The following TNFRSF10D variants were observed in gnomAD, a reference collection of about 807,000 sequenced individuals.
The protein encoded by TNFRSF10D is tumor necrosis factor receptor superfamily member 10D.
Under a neutral mutation model 42.1 loss-of-function variants are expected in TNFRSF10D, and 28 were observed. The ratio of observed to expected loss-of-function variants is 0.66; its 90% CI spans 0.49 to 0.91. The LOEUF (loss-of-function observed/expected upper bound fraction) is 0.91. Ranked by LOEUF, TNFRSF10D falls within the 40% of genes least tolerant of loss-of-function variation. The pLI, the probability that TNFRSF10D is intolerant of heterozygous loss-of-function variation, is 0.00. For missense variants in TNFRSF10D, 503 were observed against 486.1 expected (o/e 1.03, Z -0.33); for synonymous variants, 186 against 189.4 (o/e 0.98, Z 0.15).
chr8:23,141,504 C>CAAAA (rs59373667), intron 7 of TNFRSF10D, among the ~76,000 whole-genome samples: 2 of 133,380 alleles, frequency 1.5e-5, no homozygotes, highest in Admixed American at 7.3e-5. Context: ...GAGTACATCT[C>CAAAA]AAAAAAAAAA....
At chr8:23,163,724 C>T in intron 1 of TNFRSF10D, 62 bp downstream of exon 1, 26 of 1,576,528 alleles carry the variant, frequency 1.6e-5, no homozygotes, top group Non-Finnish European at 2.2e-5. Flanking sequence ...CCCCCTCTCT[C>T]CCTGCCCACT....
At chr8:23,150,433 A>G (rs1362214980) in intron 2 of TNFRSF10D, among the ~76,000 whole-genome samples, 1 of 152,266 alleles carries the variant, frequency 6.6e-6, no homozygotes, top group Admixed American at 6.5e-5. Context: ...CAGTCTGTAA[A>G]TACTGGATTA....
intron 7 of TNFRSF10D, among the ~76,000 whole-genome samples, chr8:23,143,179 T>C (rs1800057578): frequency 6.6e-6 from 1 of 151,836 alleles, no homozygotes; most frequent in Non-Finnish European, 1.5e-5. Flanking sequence ...GGTTTCACCA[T>C]GTTGGCCAGG....
At chr8:23,157,650 T>A (rs969103915) in intron 1 of TNFRSF10D, among the ~76,000 whole-genome samples, 2 of 152,232 alleles carry the variant, frequency 1.3e-5, no homozygotes, top group African/African-American at 4.8e-5. Context: ...TGATTTAATC[T>A]CCTTTTCATT....
chr8:23,137,264 T>C lies in TNFRSF10D; in HGVS notation c.*606A>G, dbSNP rs1814347624. On this transcript the variant is annotated 3_prime_UTR_variant, in exon 9 of 9. Coordinates refer to ENST00000312584, the MANE Select transcript of TNFRSF10D (RefSeq NM_003840.5). Reference sequence around the variant, plus strand: ...GATAATCTCATCATTAAGTCAAAAATATCCGAAACTGAAAATACAGGTAAT... The same window carrying C: ...GATAATCTCATCATTAAGTCAAAAACATCCGAAACTGAAAATACAGGTAAT... 1 of 152,220 alleles carries C rather than the reference T, an allele frequency of 6.6e-6. No individual in the cohort carries two copies. Among genetic ancestry groups the C allele is most frequent in the Non-Finnish European group, 1.5e-5 (1 of 68,082 alleles). The allele number at this position is 152,220 out of a possible 1,614,324, so 9.4% of individuals were successfully genotyped here.
chr8:23,149,256 A>C (rs1800178146), intron 2 of TNFRSF10D, among the ~76,000 whole-genome samples: 1 of 150,528 alleles, frequency 6.6e-6, no homozygotes, highest in Non-Finnish European at 1.5e-5. Context: ...TTTTTTTTGG[A>C]GACAGAGTTT....
chr8:23,163,651 C>T (rs900654693), intron 1 of TNFRSF10D, 135 bp downstream of exon 1: 119 of 1,364,738 alleles, frequency 8.7e-5, no homozygotes, highest in Middle Eastern at 1.8e-4. Flanking sequence ...ACTCCGACGG[C>T]GGGTTCGTCC....
At chr8:23,161,322 C>T (rs890059314) in intron 1 of TNFRSF10D, among the ~76,000 whole-genome samples, 3 of 152,190 alleles carry the variant, frequency 2.0e-5, no homozygotes, top group East Asian at 1.9e-4. Flanking sequence ...GATTCTGGGC[C>T]GTTGGATCTT....
intron 1 of TNFRSF10D, among the ~76,000 whole-genome samples, chr8:23,159,755 C>T (rs2128839927): frequency 6.6e-6 from 1 of 152,220 alleles, no homozygotes; most frequent in African/African-American, 2.4e-5. Context: ...CCAAGGTACT[C>T]AGGAGGCTGA....
At chr8:23,141,368 G>T (rs928544712) in intron 7 of TNFRSF10D, among the ~76,000 whole-genome samples, 4 of 151,908 alleles carry the variant, frequency 2.6e-5, no homozygotes, top group Non-Finnish European at 5.9e-5. Flanking sequence ...AGCTGGGCAT[G>T]GTGGCACGTG....
rs575307985 is a variant in TNFRSF10D at position 23,162,887 on chromosome 8, G to A, written c.150+899C>T. On this transcript the variant is annotated intron_variant, in intron 1 of 8. Coordinates refer to ENST00000312584, the MANE Select transcript of TNFRSF10D (RefSeq NM_003840.5). ...TTAAACTGATCTCCAAGAAACACGT[G>A]TAACAGTGTAAACATAGGGTTAATT... 2.0e-5 allele frequency among the ~76,000 whole-genome samples: 3 copies of A among 151,346 alleles called. No individual in the cohort carries two copies. In the South Asian group the frequency reaches 6.3e-4, roughly 32 times the overall value.
chr8:23,155,834 TC>T lies in TNFRSF10D; in HGVS notation c.151-856del, dbSNP rs1251533814. Among the ~76,000 whole-genome samples the T allele has an allele frequency of 2.6e-5, 4 of 151,724 alleles. No individual in the cohort carries two copies. The East Asian group carries it at 7.7e-4, about 29-fold the overall frequency. ...TGAATATTCTCTCTCTCTCTCTCTC[TC>T]TCGCACACACACAGACACACACATA... On this transcript the variant is annotated intron_variant, in intron 1 of 8. Coordinates refer to ENST00000312584, the MANE Select transcript of TNFRSF10D (RefSeq NM_003840.5).
intron 2 of TNFRSF10D, among the ~76,000 whole-genome samples, chr8:23,151,811 C>A (rs1006265291): frequency 5.9e-5 from 9 of 151,788 alleles, no homozygotes; most frequent in African/African-American, 2.2e-4. Context: ...ATAATAGCTA[C>A]AAAAAAAATG....
chr8:23,148,641 T>C, intron 2 of TNFRSF10D, 90 bp from the exon 3 acceptor site: 2 of 908,678 alleles, frequency 2.2e-6, no homozygotes, highest in South Asian at 2.9e-5. Flanking sequence ...TGGCCCTCAG[T>C]GGAATCCAGA....
chr8:23,158,597 C>G (rs1014302840), intron 1 of TNFRSF10D, among the ~76,000 whole-genome samples: 5 of 152,184 alleles, frequency 3.3e-5, no homozygotes, highest in African/African-American at 1.2e-4. Context: ...TATACGTTTA[C>G]CATTTAAACT....
At chr8:23,139,289 TTATC>T (rs1814401058) in intron 7 of TNFRSF10D, among the ~76,000 whole-genome samples, 1 of 152,144 alleles carries the variant, frequency 6.6e-6, no homozygotes. Context: ...ACACCAAATG[TTATC>T]TCCTTTGATA....
chr8:23,147,423 G>A (rs1434641629), intron 3 of TNFRSF10D, among the ~76,000 whole-genome samples: 1 of 152,192 alleles, frequency 6.6e-6, no homozygotes, highest in Admixed American at 6.5e-5. Flanking sequence ...GGAAGAGGAA[G>A]GGGCCTGAGA....
intron 2 of TNFRSF10D, among the ~76,000 whole-genome samples, chr8:23,152,816 G>A (rs1800227410): frequency 6.6e-6 from 1 of 152,192 alleles, no homozygotes; most frequent in Non-Finnish European, 1.5e-5. Context: ...CAGATTCAAT[G>A]CAATGCCTAT....
At chr8:23,157,566 T>C (rs1385132386) in intron 1 of TNFRSF10D, among the ~76,000 whole-genome samples, 1 of 152,206 alleles carries the variant, frequency 6.6e-6, no homozygotes, top group Non-Finnish European at 1.5e-5. Flanking sequence ...GTCAAGGTGG[T>C]TGATAGTGTG....
Sources: gnomAD v4.1 joint callset for allele counts (sites outside exome capture counted in the v4.1 genomes callset) on GRCh38, gnomAD v4.1.1 for gene constraint, MANE v1.5 for transcripts, NCBI Gene and HGNC (gene_info 2026-07-23, HGNC 2026-07-21) for gene names.